Variants in PIGN observed in about 807,000 individuals in gnomAD.
The protein encoded by PIGN is GPI ethanolamine phosphate transferase 1.
Under a neutral mutation model 125.4 loss-of-function variants are expected in PIGN, and 117 were observed. The observed-to-expected ratio is 0.93, with a 90% confidence interval of 0.80 to 1.09. PIGN has a LOEUF of 1.09. Ranked by LOEUF, PIGN falls within the 50% of genes least tolerant of loss-of-function variation. PIGN has a pLI of 0.00. For missense variants in PIGN, 1,075 were observed against 1,094.9 expected (o/e 0.98, Z 0.26); for synonymous variants, 392 against 377.8 (o/e 1.04, Z -0.44).
chr18:62,155,072 TAAG>T (rs1344119256), intron 6 of PIGN, among the ~76,000 whole-genome samples: 1 of 152,158 alleles, frequency 6.6e-6, no homozygotes, highest in African/African-American at 2.4e-5. Flanking sequence ...CTTCTTAACA[TAAG>T]AAGAAAATTC....
chr18:62,133,193 G>C (rs986591541), intron 14 of PIGN, among the ~76,000 whole-genome samples: 5 of 152,172 alleles, frequency 3.3e-5, no homozygotes, highest in Non-Finnish European at 5.9e-5. Context: ...GCTAGACTAA[G>C]CTATGATGTT....
chr18:62,018,450 CA>C (rs1399929911), intron 23 of PIGN, among the ~76,000 whole-genome samples: 1 of 152,216 alleles, frequency 6.6e-6, no homozygotes, highest in Non-Finnish European at 1.5e-5. Flanking sequence ...GATTTACATT[CA>C]CTAGGGCAAC....
Position 62,056,412 on chromosome 18 carries a change from G to A in PIGN, c.2673-10433C>T, listed in dbSNP as rs574072006. ...TCTCATCAGTGTCTCAATCCTGATT[G>A]CACACTTCTGAGTTATTCTTCTCTG... On this transcript the variant is annotated intron_variant, in intron 30 of 30. Coordinates refer to ENST00000640252, the MANE Select transcript of PIGN (RefSeq NM_176787.5). 2.0e-5 allele frequency among the ~76,000 whole-genome samples: 3 copies of A among 151,954 alleles called. No individual in the cohort carries two copies. In the South Asian group the frequency reaches 6.2e-4, roughly 32 times the overall value.
chr18:62,114,043 T>C (rs1198476996), intron 15 of PIGN, among the ~76,000 whole-genome samples: 1 of 152,082 alleles, frequency 6.6e-6, no homozygotes, highest in Non-Finnish European at 1.5e-5. Context: ...TAAAAAATGG[T>C]AATAGTTTAT....
intron 14 of PIGN, among the ~76,000 whole-genome samples, chr18:62,123,218 C>A (rs56383129): frequency 0.24 from 36,056 of 151,856 alleles, 4,511 homozygotes; most frequent in Middle Eastern, 0.37. Context: ...GCAGCCTGGG[C>A]AACAGCGTAA....
downstream of PIGN, among the ~76,000 whole-genome samples, chr18:62,039,461 T>TGCC (rs1391678562): frequency 2.0e-5 from 3 of 151,856 alleles, no homozygotes; most frequent in Non-Finnish European, 4.4e-5. Context: ...CCATCCAGGA[T>TGCC]GCCGCACCCC....
At chr18:62,175,551 A>G (rs28676443) in intron 1 of PIGN, among the ~76,000 whole-genome samples, 1,775 of 152,118 alleles carry the variant, frequency 0.012, 22 homozygotes, top group East Asian at 0.051. Context: ...GTGTTCTTCC[A>G]CTACCTCCGT....
intron 26 of PIGN, 60 bp downstream of exon 26, chr18:62,085,149 G>A (rs1464434946): frequency 2.5e-5 from 23 of 910,004 alleles, no homozygotes; most frequent in Non-Finnish European, 4.0e-5. Flanking sequence ...AAAAGGTATA[G>A]AAGTCCCAGG....
At chr18:62,066,424 C>A (rs1052861985) in intron 30 of PIGN, among the ~76,000 whole-genome samples, 1 of 152,066 alleles carries the variant, frequency 6.6e-6, no homozygotes, top group East Asian at 1.9e-4. Context: ...TACAGTGTTA[C>A]GAGGAAAATC....
At position 62,095,759 on chromosome 18, in the gene PIGN, A is replaced by C. The variant is rs1042656202; in HGVS notation, c.2180+89T>G. The C allele has an allele frequency of 1.4e-5, 10 of 726,296 alleles. No homozygotes were observed. In the African/African-American group the frequency reaches 1.4e-4, roughly 10 times the overall value. The allele number at this position is 726,296 out of a possible 1,614,324, so 45.0% of individuals were successfully genotyped here. A position where few individuals can be genotyped will look rare whatever the true frequency, so the allele number is the denominator to read the frequency against. On this transcript the variant is annotated intron_variant, in intron 23 of 30. Coordinates refer to ENST00000640252, the MANE Select transcript of PIGN (RefSeq NM_176787.5). ...CCTCAAGATTTAGAAAACATTTTTT[A>C]TTTCCAGAAGTTAAATACTAATAGA...
rs2036362102 is a variant in PIGN, at chr18:62,147,088, T to G, written c.688A>C (p.Asn230His). 6.2e-7 allele frequency: 1 copy of G among 1,602,110 alleles called. No homozygotes were observed. The highest frequency in any genetic ancestry group is 8.5e-7 in the Non-Finnish European group (1 of 1,171,170). The change falls in exon 9 of 31, where the codon AAT becomes CAT. Residue 230 changes from asparagine (N) to histidine (H), a missense_variant. By Grantham distance (68) the Asn-to-His change is moderately conservative. Around this residue, in one of 3 missense-constraint regions of PIGN, gnomAD observed 915 missense variants for 908.7 expected, o/e 1.01. Coordinates refer to ENST00000640252, the MANE Select transcript of PIGN (RefSeq NM_176787.5). ...ACTCCATCATCAACTTTTTTAATATTGTGCTTGTAGTCTCTATTTGTAAAG... is the reference window on the plus strand; with the variant it reads ...ACTCCATCATCAACTTTTTTAATATGGTGCTTGTAGTCTCTATTTGTAAAG... Reference protein sequence around the residue: ...HRPSSRDYKHNIKKVDDGVKE... With the variant: ...HRPSSRDYKHHIKKVDDGVKE...
At chr18:62,134,108 C>T (rs534112542) in intron 14 of PIGN, among the ~76,000 whole-genome samples, 5 of 152,078 alleles carry the variant, frequency 3.3e-5, no homozygotes, top group Non-Finnish European at 5.9e-5. Flanking sequence ...TAATCTAATA[C>T]CTAAGGCTGG....
In PIGN at chr18:62,024,776, C is replaced by T. The variant is rs374535025; in HGVS notation, c.2143-7035G>A. Reference sequence around the variant, plus strand: ...GCAGAAGTGGGAGGATCACTTGAACCCAGGAGTTCAAGACCAACCTGGGCA... The same window carrying T: ...GCAGAAGTGGGAGGATCACTTGAACTCAGGAGTTCAAGACCAACCTGGGCA... On this transcript the variant is annotated intron_variant, in intron 23 of 24. Coordinates refer to the PIGN transcript ENST00000639600. Among the ~76,000 whole-genome samples, 8 of 152,134 alleles carry T rather than the reference C, an allele frequency of 5.3e-5. 1 individual carries two copies. The East Asian group carries it at 1.2e-3, about 22-fold the overall frequency.
chr18:62,126,901 G>A (rs17069494), intron 14 of PIGN, among the ~76,000 whole-genome samples: 1,529 of 152,206 alleles, frequency 0.01, 19 homozygotes, highest in East Asian at 0.049. Flanking sequence ...TCCAACATCC[G>A]TTCAACTTAA....
chr18:62,027,149 G>A (rs1389211937), intron 23 of PIGN, among the ~76,000 whole-genome samples: 1 of 152,160 alleles, frequency 6.6e-6, no homozygotes, highest in Non-Finnish European at 1.5e-5. Context: ...GTTGCAGTGA[G>A]CCCAGATCAT....
intron 21 of PIGN, among the ~76,000 whole-genome samples, chr18:62,101,789 A>G (rs1226552481): frequency 6.6e-6 from 1 of 152,200 alleles, no homozygotes; most frequent in Non-Finnish European, 1.5e-5. Flanking sequence ...TGTGTGGTCT[A>G]GACGTGGTTA....
intron 16 of PIGN, among the ~76,000 whole-genome samples, chr18:62,112,330 A>G (rs1231266682): frequency 6.6e-6 from 1 of 152,212 alleles, no homozygotes; most frequent in Non-Finnish European, 1.5e-5. Context: ...ATATCTGCAG[A>G]CTATTATTAA....
At chr18:62,063,517 T>C (rs1348802852) in intron 30 of PIGN, among the ~76,000 whole-genome samples, 1 of 151,336 alleles carries the variant, frequency 6.6e-6, no homozygotes, top group African/African-American at 2.4e-5. Flanking sequence ...GAAATCCAAA[T>C]TATTTATCAC....
chr18:62,019,986 T>C (rs1226347285), intron 23 of PIGN, among the ~76,000 whole-genome samples: 1 of 152,210 alleles, frequency 6.6e-6, no homozygotes, highest in Non-Finnish European at 1.5e-5. Flanking sequence ...ACAGTCAGAA[T>C]GTGCAGGGCA....
Sources: gnomAD v4.1 joint callset for allele counts (sites outside exome capture counted in the v4.1 genomes callset) on GRCh38, gnomAD v4.1.1 for gene constraint, gnomAD v4.1.1 regional missense constraint, MANE v1.5 for transcripts, NCBI Gene and HGNC (gene_info 2026-07-23, HGNC 2026-07-21) for gene names.